The following GUCY1A2 variants were observed in gnomAD, a reference collection of about 807,000 sequenced individuals.
GUCY1A2 encodes the protein guanylate cyclase 1 soluble subunit alpha 2.
In GUCY1A2, 27 loss-of-function variants were observed where a neutral mutation model predicts 63.5. The ratio of observed to expected loss-of-function variants is 0.43; its 90% CI spans 0.31 to 0.59. The LOEUF (loss-of-function observed/expected upper bound fraction) is 0.59. Ranked by LOEUF, GUCY1A2 falls within the 20% of genes least tolerant of loss-of-function variation. The probability of loss-of-function intolerance (pLI) is 0.11; values close to 1 mark genes in which losing one functional copy is unlikely to be tolerated. For synonymous variants in GUCY1A2, 364 were observed against 343.5 expected (o/e 1.06, Z -0.66); for missense variants, 768 against 913.3 (o/e 0.84, Z 2.05).
At chr11:106,933,802 T>TA (rs1429020091) in intron 4 of GUCY1A2, among the ~76,000 whole-genome samples, 4 of 151,884 alleles carry the variant, frequency 2.6e-5, no homozygotes, top group Admixed American at 6.6e-5. Context: ...TATGCAGCCA[T>TA]AAAAAAAGAT....
rs190077909 is a variant in GUCY1A2 at position 106,974,793 on chromosome 11, A to G, written c.487+3826T>C. Among the ~76,000 whole-genome samples the G allele has an allele frequency of 1.5e-3, 230 of 152,254 alleles. 1 individual carries two copies. Among genetic ancestry groups the G allele is most frequent in the African/African-American group, 5.4e-3 (224 of 41,570 alleles). Reference sequence around the variant, plus strand: ...GACCTTTAAAACAGAGAAAACATCAATGAATATCTTTTCAGAACTATGCAC... The same window carrying G: ...GACCTTTAAAACAGAGAAAACATCAGTGAATATCTTTTCAGAACTATGCAC... On this transcript the variant is annotated intron_variant, in intron 3 of 7. Transcript: ENST00000526355.
chr11:106,713,479 G>A (rs6588917), intron 6 of GUCY1A2, among the ~76,000 whole-genome samples: 90,478 of 147,164 alleles, frequency 0.61, 28,373 homozygotes, highest in African/African-American at 0.74. Context: ...AAAGCACACT[G>A]CAATATTAGT....
In GUCY1A2 at chr11:107,018,195, G is replaced by A; in HGVS notation, c.-140C>T. ...CGCTGCGGTCGCGCCCGGCGGGGCG[G>A]GAGTCCCCGGGGCCGCGGAGCCCCC... On this transcript the variant is annotated 5_prime_UTR_variant, in exon 1 of 8. Transcript: ENST00000526355. 3.5e-6 allele frequency: 1 copy of A among 284,934 alleles called. No individual in the cohort carries two copies. Among genetic ancestry groups the A allele is most frequent in the Non-Finnish European group, 6.0e-6 (1 of 165,906 alleles). 17.7% of individuals were successfully genotyped at this position (284,934 alleles called of 1,614,324 possible).
intron 4 of GUCY1A2, among the ~76,000 whole-genome samples, chr11:106,818,108 G>C (rs1367020443): frequency 6.6e-6 from 1 of 152,132 alleles, no homozygotes; most frequent in Non-Finnish European, 1.5e-5. Context: ...CAGATGAATG[G>C]ATAATTGTGG....
intron 4 of GUCY1A2, among the ~76,000 whole-genome samples, chr11:106,886,819 T>C (rs1003997231): frequency 6.6e-6 from 1 of 152,144 alleles, no homozygotes; most frequent in African/African-American, 2.4e-5. Context: ...CTAAATTTGA[T>C]CTTATCACAG....
intron 4 of GUCY1A2, among the ~76,000 whole-genome samples, chr11:106,927,716 C>T (rs1860546764): frequency 6.6e-6 from 1 of 151,678 alleles, no homozygotes; most frequent in African/African-American, 2.4e-5. Context: ...AGGCGCCCAC[C>T]ACCACGCCCG....
chr11:106,803,612 C>T (rs910519901), intron 5 of GUCY1A2, among the ~76,000 whole-genome samples: 4 of 152,092 alleles, frequency 2.6e-5, no homozygotes, highest in African/African-American at 9.7e-5. Flanking sequence ...CTAATATGTA[C>T]ATTTACTACC....
intron 6 of GUCY1A2, among the ~76,000 whole-genome samples, chr11:106,760,053 G>T (rs936685988): frequency 6.6e-6 from 1 of 152,116 alleles, no homozygotes; most frequent in South Asian, 2.1e-4. Flanking sequence ...ATAGTAGAGA[G>T]ACCTGGACAG....
chr11:106,818,577 T>C (rs1213830219), intron 4 of GUCY1A2, among the ~76,000 whole-genome samples: 1 of 152,184 alleles, frequency 6.6e-6, no homozygotes, highest in East Asian at 1.9e-4. Flanking sequence ...AGTGTTCAAG[T>C]GAAAAGAAAA....
At chr11:106,970,726 C>T (rs1565347171) in intron 3 of GUCY1A2, among the ~76,000 whole-genome samples, 1 of 152,128 alleles carries the variant, frequency 6.6e-6, no homozygotes, top group African/African-American at 2.4e-5. Context: ...TAAGTATTTA[C>T]CTAACTGATT....
intron 4 of GUCY1A2, among the ~76,000 whole-genome samples, chr11:106,888,076 G>GA (rs1233272259): frequency 6.6e-6 from 1 of 152,066 alleles, no homozygotes; most frequent in African/African-American, 2.4e-5. Context: ...GGGGTTGGGG[G>GA]AATGAACAAT....
At chr11:106,717,597 GA>G (rs1323984946) in intron 6 of GUCY1A2, among the ~76,000 whole-genome samples, 1 of 152,116 alleles carries the variant, frequency 6.6e-6, no homozygotes, top group African/African-American at 2.4e-5. Flanking sequence ...TCTTTTAGTA[GA>G]AAAAGCCCGT....
chr11:106,676,588 A>G lies in GUCY1A2; in HGVS notation c.*10961T>C, dbSNP rs1325151424. 1.1e-5 allele frequency: 2 copies of G among 187,122 alleles called. No individual in the cohort carries two copies. Among genetic ancestry groups the G allele is most frequent in the Non-Finnish European group, 2.3e-5 (2 of 88,572 alleles). The allele number at this position is 187,122 out of a possible 1,614,324, so 11.6% of individuals were successfully genotyped here. ...TCCAAACCCTCAATAAGAACTCAAA[A>G]CATCATACTATGCCAAGCTGAATTA... On this transcript the variant is annotated 3_prime_UTR_variant, in exon 8 of 8. Coordinates refer to ENST00000526355, the MANE Select transcript of GUCY1A2 (RefSeq NM_000855.3).
chr11:106,919,226 A>C (rs1420911865), intron 4 of GUCY1A2, among the ~76,000 whole-genome samples: 2 of 152,150 alleles, frequency 1.3e-5, no homozygotes, highest in Non-Finnish European at 1.5e-5. Context: ...AAGAATATAT[A>C]ATCACAAATT....
chr11:106,821,679 C>A (rs1858905117), intron 4 of GUCY1A2, among the ~76,000 whole-genome samples: 1 of 152,082 alleles, frequency 6.6e-6, no homozygotes, highest in South Asian at 2.1e-4. Flanking sequence ...CAGTGTCACA[C>A]AGGAATGAAC....
At chr11:106,944,962 C>T (rs747995014) in intron 3 of GUCY1A2, among the ~76,000 whole-genome samples, 6 of 151,814 alleles carry the variant, frequency 4.0e-5, no homozygotes, top group Non-Finnish European at 7.4e-5. Context: ...CCTCTAAAAA[C>T]ACTATAATGT....
intron 4 of GUCY1A2, among the ~76,000 whole-genome samples, chr11:106,835,201 G>A (rs1473136035): frequency 6.6e-6 from 1 of 151,730 alleles, no homozygotes; most frequent in Non-Finnish European, 1.5e-5. Flanking sequence ...AAAATACAAT[G>A]AGAGCCAATT....
intron 3 of GUCY1A2, among the ~76,000 whole-genome samples, chr11:106,974,519 A>G (rs937336840): frequency 2.6e-5 from 4 of 152,156 alleles, no homozygotes; most frequent in African/African-American, 9.6e-5. Context: ...ATCATTACTT[A>G]TAAAAAAACA....
intron 5 of GUCY1A2, among the ~76,000 whole-genome samples, 182 bp downstream of exon 5, chr11:106,809,811 A>G (rs1858739923): frequency 6.6e-6 from 1 of 152,150 alleles, no homozygotes; most frequent in African/African-American, 2.4e-5. Context: ...ATCTATGTCA[A>G]CACAAACGAA....
Sources: allele counts gnomAD v4.1 joint callset (sites outside exome capture counted in the v4.1 genomes callset), GRCh38; gene constraint gnomAD v4.1.1; transcripts MANE v1.5; gene names NCBI Gene and HGNC (gene_info 2026-07-23, HGNC 2026-07-21).